PRKD1: variants seen among roughly 807,000 people sequenced by gnomAD.
PRKD1 encodes serine/threonine-protein kinase D1.
In PRKD1, 63 loss-of-function variants were observed where a neutral mutation model predicts 95.9. The ratio of observed to expected loss-of-function variants is 0.66; its 90% confidence interval spans 0.54 to 0.81. The LOEUF (loss-of-function observed/expected upper bound fraction) is 0.81, where lower values mean the gene tolerates loss of function less well. Ranked by LOEUF, PRKD1 falls within the 30% of genes least tolerant of loss-of-function variation. PRKD1 has a pLI of 0.00. For synonymous variants in PRKD1, 425 were observed against 423.1 expected (o/e 1.00, Z -0.05); for missense variants, 1,048 against 1,165.3 (o/e 0.90, Z 1.47).
chr14:29,870,018 C>T (rs1893048261), intron 1 of PRKD1, among the ~76,000 whole-genome samples: 4 of 152,162 alleles, frequency 2.6e-5, no homozygotes. Context: ...TATGGCTCCA[C>T]AGTCATCAAC....
chr14:29,878,390 A>G (rs1255826737), intron 1 of PRKD1, among the ~76,000 whole-genome samples: 1 of 149,954 alleles, frequency 6.7e-6, no homozygotes, highest in Non-Finnish European at 1.5e-5. Flanking sequence ...CACATGGCCC[A>G]GCAATTCCAC....
chr14:29,918,905 A>C (rs759032502), intron 1 of PRKD1, among the ~76,000 whole-genome samples: 1 of 152,214 alleles, frequency 6.6e-6, no homozygotes, highest in East Asian at 1.9e-4. Context: ...ATTATCAACA[A>C]CACCATATAT....
intron 1 of PRKD1, among the ~76,000 whole-genome samples, chr14:29,878,978 C>T (rs1893402744): frequency 6.6e-6 from 1 of 152,096 alleles, no homozygotes; most frequent in East Asian, 1.9e-4. Context: ...ACCCAGATTC[C>T]TCCACAGTAT....
chr14:29,787,700 C>A (rs1438732206), intron 1 of PRKD1, among the ~76,000 whole-genome samples: 1 of 152,002 alleles, frequency 6.6e-6, no homozygotes, highest in Non-Finnish European at 1.5e-5. Context: ...TCCATGCCTT[C>A]ACTTTCATTT....
chr14:29,888,727 AT>A (rs1464975036), intron 1 of PRKD1, among the ~76,000 whole-genome samples: 1 of 152,182 alleles, frequency 6.6e-6, no homozygotes, highest in Non-Finnish European at 1.5e-5. Context: ...CACCACACAA[AT>A]CAGAAATTCA....
chr14:29,641,134 A>C (rs1281206379), intron 4 of PRKD1, among the ~76,000 whole-genome samples: 2 of 152,226 alleles, frequency 1.3e-5, no homozygotes, highest in African/African-American at 2.4e-5. Context: ...TAGCCCAGAG[A>C]CTATACCACA....
At chr14:29,911,768 T>C (rs1221714415) in intron 1 of PRKD1, among the ~76,000 whole-genome samples, 2 of 152,216 alleles carry the variant, frequency 1.3e-5, no homozygotes, top group Non-Finnish European at 2.9e-5. Context: ...TCTTACTGTT[T>C]CGGAGATCAG....
At chr14:29,612,170 T>C (rs1878515408) in intron 13 of PRKD1, among the ~76,000 whole-genome samples, 1 of 152,162 alleles carries the variant, frequency 6.6e-6, no homozygotes. Context: ...AAAAGTCAAA[T>C]GGTAATACCT....
At chr14:29,851,385 CA>C (rs1017495710) in intron 1 of PRKD1, among the ~76,000 whole-genome samples, 5 of 151,460 alleles carry the variant, frequency 3.3e-5, no homozygotes, top group Admixed American at 1.3e-4. Context: ...AGCAAAAGAA[CA>C]AAAACAAAAA....
At chr14:29,910,958 C>G (rs1322607463) in intron 1 of PRKD1, among the ~76,000 whole-genome samples, 2 of 152,080 alleles carry the variant, frequency 1.3e-5, no homozygotes, top group Non-Finnish European at 2.9e-5. Flanking sequence ...AATTATTTCA[C>G]AGGTGAAAAA....
intron 1 of PRKD1, among the ~76,000 whole-genome samples, chr14:29,865,790 T>G (rs1892877655): frequency 6.6e-6 from 1 of 152,214 alleles, no homozygotes; most frequent in Non-Finnish European, 1.5e-5. Flanking sequence ...CATGTCTCTG[T>G]GCTGCTTTCT....
chr14:29,578,706 A>G (rs1002658857), intron 16 of PRKD1, among the ~76,000 whole-genome samples: 3 of 152,130 alleles, frequency 2.0e-5, no homozygotes, highest in African/African-American at 7.2e-5. Flanking sequence ...ATGTCTTACA[A>G]TATGGGCAGG....
At chr14:29,652,808 G>A (rs1959437) in intron 4 of PRKD1, 21 of 152,088 alleles carry the variant, frequency 1.4e-4, no homozygotes, top group African/African-American at 5.1e-4. Context: ...CTTCTAAATA[G>A]ACTTTTGCTG....
At chr14:29,675,050 C>G (rs1017594879) in intron 2 of PRKD1, among the ~76,000 whole-genome samples, 2 of 152,140 alleles carry the variant, frequency 1.3e-5, no homozygotes, top group African/African-American at 4.8e-5. Flanking sequence ...TCCAATTCAG[C>G]GCTGTTGGCC....
At chr14:29,744,057 C>T (rs1189501152) in intron 1 of PRKD1, among the ~76,000 whole-genome samples, 2 of 152,164 alleles carry the variant, frequency 1.3e-5, no homozygotes, top group Non-Finnish European at 2.9e-5. Flanking sequence ...TAAAGGATCT[C>T]ATCCAGTCTC....
At chr14:29,584,919 A>T (rs1009830810) in intron 16 of PRKD1, among the ~76,000 whole-genome samples, 1 of 152,206 alleles carries the variant, frequency 6.6e-6, no homozygotes, top group Non-Finnish European at 1.5e-5. Flanking sequence ...GTCAAGACAC[A>T]GTACATTTTC....
chr14:29,893,347 TA>T (rs1380088514), intron 1 of PRKD1, among the ~76,000 whole-genome samples: 2 of 151,964 alleles, frequency 1.3e-5, no homozygotes, highest in East Asian at 3.9e-4. Flanking sequence ...CTTTCTAAAA[TA>T]ATTAGAATAT....
intron 1 of PRKD1, among the ~76,000 whole-genome samples, chr14:29,920,048 G>GGAAGGAAGGAAGGAAGGAAA: frequency 7.4e-6 from 1 of 135,202 alleles, no homozygotes; most frequent in Non-Finnish European, 1.5e-5. Context: ...AAGGAAGGAA[G>GGAAGGAAGGAAGGAAGGAAA]GAAGGAAGGA....
chr14:29,599,680 G>A lies in PRKD1; in HGVS notation c.2043C>T (p.His681=), dbSNP rs936724010. The change falls in exon 14 of 18, where the codon CAC becomes CAT. Residue 681 remains histidine, a synonymous_variant. Transcript: ENST00000331968. ...CCTGAGTAATTAAAAACTTCGTTAT[G>A]TGCTCTGGCAACCTGCCCTTTTCAC... ...LSSEKGRLPE[H]ITKFLITQIL... 6.2e-7 allele frequency: 1 copy of A among 1,611,964 alleles called. No individual in the cohort carries two copies. Among genetic ancestry groups the A allele is most frequent in the African/African-American group, 1.3e-5 (1 of 74,812 alleles).
Sources: gnomAD v4.1 joint callset for allele counts (sites outside exome capture counted in the v4.1 genomes callset) on GRCh38, gnomAD v4.1.1 for gene constraint, MANE v1.5 for transcripts, NCBI Gene and HGNC (gene_info 2026-07-23, HGNC 2026-07-21) for gene names.